The following SPIDR variants were observed in gnomAD, a reference collection of about 807,000 sequenced individuals.
The protein encoded by SPIDR is DNA repair-scaffolding protein.
In SPIDR, 93 loss-of-function variants were observed where a neutral mutation model predicts 104.6. The ratio of observed to expected loss-of-function variants is 0.89; its 90% confidence interval spans 0.75 to 1.06. The LOEUF is 1.06. Ranked by LOEUF, SPIDR falls within the 50% of genes least tolerant of loss-of-function variation. The pLI, the probability that SPIDR is intolerant of heterozygous loss-of-function variation, is 0.00. For synonymous variants in SPIDR, 431 were observed against 416.9 expected (o/e 1.03, Z -0.41); for missense variants, 1,154 against 1,111.2 (o/e 1.04, Z -0.55).
At chr8:47,354,540 C>T (rs907264853) in intron 5 of SPIDR, among the ~76,000 whole-genome samples, 1 of 152,134 alleles carries the variant, frequency 6.6e-6, no homozygotes, top group African/African-American at 2.4e-5. Flanking sequence ...AACTAGCTTA[C>T]AAGACGTTCA....
At chr8:47,389,529 A>C (rs1483492776) in intron 5 of SPIDR, among the ~76,000 whole-genome samples, 1 of 151,878 alleles carries the variant, frequency 6.6e-6, no homozygotes, top group African/African-American at 2.4e-5. Context: ...CTGTACTAAA[A>C]ATACAAAAAA....
intron 10 of SPIDR, among the ~76,000 whole-genome samples, chr8:47,600,778 G>C (rs1385319480): frequency 6.6e-6 from 1 of 152,140 alleles, no homozygotes; most frequent in Non-Finnish European, 1.5e-5. Context: ...TGAAGAAGGG[G>C]ATACTAGTTA....
intron 10 of SPIDR, among the ~76,000 whole-genome samples, chr8:47,632,856 A>G (rs1485052382): frequency 6.6e-6 from 1 of 152,188 alleles, no homozygotes; most frequent in African/African-American, 2.4e-5. Flanking sequence ...AGTATCTCCA[A>G]GGGTGGGTGA....
intron 10 of SPIDR, among the ~76,000 whole-genome samples, chr8:47,631,559 G>A (rs529539498): frequency 4.3e-4 from 65 of 152,286 alleles, no homozygotes; most frequent in African/African-American, 1.5e-3. Context: ...ATTTATCAGA[G>A]AAAATGGTGA....
intron 8 of SPIDR, among the ~76,000 whole-genome samples, chr8:47,524,133 C>T (rs1240930948): frequency 6.6e-6 from 1 of 152,160 alleles, no homozygotes; most frequent in Non-Finnish European, 1.5e-5. Context: ...AACTATCAGG[C>T]ACATGTATGC....
At chr8:47,316,885 G>A (rs1303745162) in intron 5 of SPIDR, among the ~76,000 whole-genome samples, 1 of 152,158 alleles carries the variant, frequency 6.6e-6, no homozygotes, top group African/African-American at 2.4e-5. Context: ...TTGAATTCTT[G>A]TTATTGATGT....
At chr8:47,667,402 G>C (rs1461993210) in intron 10 of SPIDR, among the ~76,000 whole-genome samples, 1 of 139,824 alleles carries the variant, frequency 7.2e-6, no homozygotes, top group Non-Finnish European at 1.5e-5. Flanking sequence ...TTTGAGACCA[G>C]CCCAGGCAGC....
At chr8:47,554,536 G>A (rs1459049033) in intron 8 of SPIDR, among the ~76,000 whole-genome samples, 1 of 152,214 alleles carries the variant, frequency 6.6e-6, no homozygotes, top group Non-Finnish European at 1.5e-5. Context: ...CCGTGGGCAT[G>A]GAACCCTCTG....
Position 47,588,042 on chromosome 8 carries a change from T to TGCTA in SPIDR, c.1098-7769_1098-7768insGCTA, listed in dbSNP as rs2060483763. On this transcript the variant is annotated intron_variant, in intron 8 of 19. Coordinates refer to ENST00000297423, the MANE Select transcript of SPIDR (RefSeq NM_001080394.4). Reference sequence around the variant, plus strand: ...TAAAATTAGCATATATATATATATATATATATATATATATATATATATATA... The same window carrying TGCTA: ...TAAAATTAGCATATATATATATATATGCTAATATATATATATATATATATATATA... Among the ~76,000 whole-genome samples the TGCTA allele has an allele frequency of 1.0e-4, 4 of 39,916 alleles. 1 individual carries two copies. The South Asian group carries it at 3.4e-3, about 34-fold the overall frequency. 26.2% of individuals were successfully genotyped at this position (39,916 alleles called of 152,430 possible). A position where few individuals can be genotyped will look rare whatever the true frequency, so the allele number is the denominator to read the frequency against.
intron 7 of SPIDR, among the ~76,000 whole-genome samples, chr8:47,421,067 T>G (rs1554680021): frequency 6.6e-6 from 1 of 152,222 alleles, no homozygotes; most frequent in African/African-American, 2.4e-5. Flanking sequence ...TCAACTTTGG[T>G]GAATCTGACA....
chr8:47,517,345 C>A lies in SPIDR; in HGVS notation c.1097+76803C>A, dbSNP rs182999537. Among the ~76,000 whole-genome samples the A allele has an allele frequency of 2.1e-3, 321 of 152,200 alleles. 1 individual carries two copies. Among genetic ancestry groups the A allele is most frequent in the African/African-American group, 7.5e-3 (312 of 41,542 alleles). On this transcript the variant is annotated intron_variant, in intron 8 of 19. Transcript: ENST00000297423. ...AAAAAATAATTATTACTATTACTTG[C>A]AAAATAAAAGTCTGCTACTAAGATA...
chr8:47,346,451 G>T (rs181670833), intron 5 of SPIDR, among the ~76,000 whole-genome samples: 54 of 152,272 alleles, frequency 3.5e-4, no homozygotes, highest in African/African-American at 1.2e-3. Flanking sequence ...GTCTCTGCCA[G>T]GCTTTGGTAT....
intron 8 of SPIDR, among the ~76,000 whole-genome samples, chr8:47,503,334 A>C (rs979696761): frequency 2.0e-5 from 3 of 152,138 alleles, no homozygotes; most frequent in Admixed American, 6.5e-5. Context: ...TATTGGGTGC[A>C]TATATATTTA....
At chr8:47,326,895 G>C (rs1401704958) in intron 5 of SPIDR, among the ~76,000 whole-genome samples, 1 of 152,150 alleles carries the variant, frequency 6.6e-6, no homozygotes, top group Non-Finnish European at 1.5e-5. Context: ...ACTGTGAATA[G>C]AGCTGCTAGA....
chr8:47,470,259 G>A (rs1216407139), intron 8 of SPIDR, among the ~76,000 whole-genome samples: 1 of 151,966 alleles, frequency 6.6e-6, no homozygotes, highest in Admixed American at 6.6e-5. Flanking sequence ...TTACATATAT[G>A]GTGAAGTGAG....
At chr8:47,578,663 A>C (rs1200025387) in intron 8 of SPIDR, among the ~76,000 whole-genome samples, 1 of 152,158 alleles carries the variant, frequency 6.6e-6, no homozygotes, top group Non-Finnish European at 1.5e-5. Context: ...GACAGATCCT[A>C]CTGCCATAGT....
chr8:47,607,199 G>A (rs2063068820), intron 10 of SPIDR, among the ~76,000 whole-genome samples: 1 of 152,124 alleles, frequency 6.6e-6, no homozygotes, highest in Non-Finnish European at 1.5e-5. Context: ...AAGATTGTGA[G>A]TGCAGAGTAT....
In SPIDR at chr8:47,599,100, G is replaced by C. The variant is rs374255372; in HGVS notation, c.1448G>C (p.Arg483Pro). Reference protein sequence around the residue: ...GAASWPGAGVRVVVQRVYSLP... With the variant: ...GAASWPGAGVPVVVQRVYSLP... Reference sequence around the variant, plus strand: ...GCCTCGTGGCCAGGAGCTGGAGTCCGAGTGGTGGTGCAAAGAGTGTATTCT... The same window carrying C: ...GCCTCGTGGCCAGGAGCTGGAGTCCCAGTGGTGGTGCAAAGAGTGTATTCT... Residue 483 changes from arginine to proline, a missense_variant, in exon 10 of 20, where the codon CGA becomes CCA. Physicochemically the swap from Arg to Pro is moderately radical, Grantham distance 103. Transcript: ENST00000297423. The C allele has an allele frequency of 1.2e-6, 2 of 1,612,594 alleles. No homozygotes were observed. The highest frequency in any genetic ancestry group is 1.1e-5 in the South Asian group (1 of 90,816).
chr8:47,565,744 C>T lies in SPIDR; in HGVS notation c.1098-30067C>T, dbSNP rs1382281003. On this transcript the variant is annotated intron_variant, in intron 8 of 19. Transcript: ENST00000297423. ...AACATTTATGCATGATTATATAGTC[C>T]TTATATACTATTCAAATATTTACAT... Among the ~76,000 whole-genome samples, 4 of 150,164 alleles carry T rather than the reference C, an allele frequency of 2.7e-5. No homozygotes were observed. The East Asian group carries it at 7.9e-4, about 30-fold the overall frequency.
Sources: gnomAD v4.1 joint callset for allele counts (sites outside exome capture counted in the v4.1 genomes callset) on GRCh38, gnomAD v4.1.1 for gene constraint, MANE v1.5 for transcripts, NCBI Gene and HGNC (gene_info 2026-07-23, HGNC 2026-07-21) for gene names.